NYAP1: variants seen among roughly 807,000 people sequenced by gnomAD.
The protein encoded by NYAP1 is neuronal tyrosine-phosphorylated phosphoinositide-3-kinase adapter 1.
In NYAP1, 20 loss-of-function variants were observed where a neutral mutation model predicts 58.6. The observed-to-expected ratio is 0.34, with a 90% CI of 0.24 to 0.50. The LOEUF (loss-of-function observed/expected upper bound fraction) is 0.50. Ranked by LOEUF, NYAP1 falls within the 20% of genes least tolerant of loss-of-function variation. NYAP1 has a pLI of 0.98. For missense variants in NYAP1, 1,150 were observed against 1,194.5 expected (o/e 0.96, Z 0.55); for synonymous variants, 572 against 523.1 (o/e 1.09, Z -1.27).
In NYAP1 at chr7:100,487,278, A is replaced by AT; in HGVS notation, c.430+96_430+97insT. 7.8e-7 allele frequency: 1 copy of AT among 1,286,288 alleles called. No homozygotes were observed. Among genetic ancestry groups the AT allele is most frequent in the Non-Finnish European group, 1.0e-6 (1 of 972,004 alleles). 79.7% of individuals were successfully genotyped at this position (1,286,288 alleles called of 1,614,324 possible). On this transcript the variant is annotated intron_variant, in intron 3 of 6. Coordinates refer to ENST00000300179, the MANE Select transcript of NYAP1 (RefSeq NM_173564.4). This position sits in a 1 kb window ranked among gnomAD's most constrained non-coding sequence, Gnocchi z 4.1. ...CTTGCCGGGAGGGTTCATTCAGGGA[A>AT]GAACCAAGGAAGTGGAAGATTCCAT...
intron 4 of NYAP1, among the ~76,000 whole-genome samples, chr7:100,489,956 T>C (rs1021664140): frequency 5.3e-5 from 8 of 151,894 alleles, no homozygotes; most frequent in African/African-American, 1.9e-4. Context: ...GGTGTGTGCT[T>C]GTGAGTGTGC....
intron 4 of NYAP1, 112 bp downstream of exon 4, chr7:100,489,778 A>T: frequency 1.6e-5 from 11 of 708,756 alleles, no homozygotes; most frequent in African/African-American, 2.0e-5. Flanking sequence ...CACAGCCTTG[A>T]GTCTGGGATG....
chr7:100,487,090 G>A lies in NYAP1; in HGVS notation c.338G>A (p.Arg113Lys). The A allele has an allele frequency of 6.3e-7, 1 of 1,593,980 alleles. No individual in the cohort carries two copies. The highest frequency in any genetic ancestry group is 8.5e-7 in the Non-Finnish European group (1 of 1,170,058). The stretch of plus-strand genomic sequence containing the variant: ...CTCACAGAGGACAGCAGCACCCGAA[G>A]ACCCCCTGCCAAGCCCCGGAGACAC... ...GGLTEDSSTR[R>K]PPAKPRRHPS... The change falls in exon 3 of 7, where the codon AGA (arginine) becomes AAA (lysine). Residue 113 changes from arginine (R) to lysine (K), a missense_variant. Transcript: ENST00000300179. The surrounding 1 kb of genome is among the most constrained non-coding windows in gnomAD (Gnocchi z 4.1).
Position 100,489,273 on chromosome 7 carries a change from A to T in NYAP1, c.1552A>T (p.Met518Leu), listed in dbSNP as rs1248570606. 6.2e-7 allele frequency: 1 copy of T among 1,600,910 alleles called. No individual in the cohort carries two copies. The highest frequency in any genetic ancestry group is 8.5e-7 in the Non-Finnish European group (1 of 1,174,578). Reference protein sequence around the residue: ...PGKTSPHGGAMGAAAGVLHHR... With the variant: ...PGKTSPHGGALGAAAGVLHHR... ...GAAGACCAGCCCCCACGGTGGGGCCATGGGCGCAGCAGCTGGGGTCCTCCA... is the reference window on the plus strand; with the variant it reads ...GAAGACCAGCCCCCACGGTGGGGCCTTGGGCGCAGCAGCTGGGGTCCTCCA... Residue 518 changes from methionine to leucine, a missense_variant, in exon 4 of 7, where the codon ATG becomes TTG. Coordinates refer to ENST00000300179, the MANE Select transcript of NYAP1 (RefSeq NM_173564.4).
rs1488137978 is a variant in NYAP1, at chr7:100,488,598, C to T, written c.877C>T (p.His293Tyr). Residue 293 changes from histidine (H) to tyrosine (Y), a missense_variant, in exon 4 of 7, where the codon CAC (histidine) becomes TAC (tyrosine). Transcript: ENST00000300179. This position sits in a 1 kb window ranked among gnomAD's most constrained non-coding sequence, Gnocchi z 5.9. ...LTATSPPQQP[H>Y]ALPPHAHRRP... is the part of the protein sequence containing the mutation. ...GGCAACATCCCCGCCACAACAGCCT[C>T]ACGCCCTTCCGCCCCATGCCCACCG... 3 of 1,611,396 alleles carry T rather than the reference C, an allele frequency of 1.9e-6. No homozygotes were observed. The highest frequency in any genetic ancestry group is 2.5e-6 in the Non-Finnish European group (3 of 1,179,244).
At chr7:100,484,498 G>A (rs1293610744) in intron 1 of NYAP1, among the ~76,000 whole-genome samples, 2 of 152,144 alleles carry the variant, frequency 1.3e-5, no homozygotes, top group Non-Finnish European at 2.9e-5. Flanking sequence ...GGTGGACCAA[G>A]GCCCAGGCCC....
chr7:100,494,193 C>A lies in NYAP1; in HGVS notation c.*290C>A. Reference sequence around the variant, plus strand: ...GGCGTTGTACACCCCTCCTCCTGAACCAAGCCAGAGGTCAGCATGGGGAAG... The same window carrying A: ...GGCGTTGTACACCCCTCCTCCTGAAACAAGCCAGAGGTCAGCATGGGGAAG... On this transcript the variant is annotated 3_prime_UTR_variant, in exon 7 of 7. Coordinates refer to ENST00000300179, the MANE Select transcript of NYAP1 (RefSeq NM_173564.4). The A allele has an allele frequency of 2.7e-6, 1 of 371,860 alleles. No homozygotes were observed. Among genetic ancestry groups the A allele is most frequent in the Non-Finnish European group, 4.8e-6 (1 of 208,094 alleles). The allele number at this position is 371,860 out of a possible 1,614,324, so 23.0% of individuals were successfully genotyped here. A position where few individuals can be genotyped will look rare whatever the true frequency, so the allele number is the denominator to read the frequency against.
At position 100,490,576 on chromosome 7, in the gene NYAP1, C is replaced by G. The variant is rs773577308; in HGVS notation, c.2005C>G (p.Arg669Gly). The stretch of plus-strand genomic sequence containing the variant: ...TGCCGAGGGTCCAGGCAAGGTGGAG[C>G]GTGAGGACAGGGGCCCTGGGACATC... Reference protein sequence around the residue: ...GSAEGPGKVEREDRGPGTSGI... With the variant: ...GSAEGPGKVEGEDRGPGTSGI... The change falls in exon 5 of 7, where the codon CGT (arginine) becomes GGT (glycine). Residue 669 changes from arginine (R) to glycine (G), a missense_variant. Arg to Gly is a moderately radical substitution (Grantham distance 125). Transcript: ENST00000300179. This position sits in a 1 kb window ranked among gnomAD's most constrained non-coding sequence, Gnocchi z 4.6. The G allele has an allele frequency of 6.3e-7, 1 of 1,585,270 alleles. No homozygotes were observed. The highest frequency in any genetic ancestry group is 1.8e-5 in the Admixed American group (1 of 55,136).
Position 100,490,081 on chromosome 7 carries a change from G to C in NYAP1, c.1945+415G>C, listed in dbSNP as rs1208432066. On this transcript the variant is annotated intron_variant, in intron 4 of 6. Transcript: ENST00000300179. The surrounding 1 kb of genome is among the most constrained non-coding windows in gnomAD (Gnocchi z 4.6). ...GCCTGGCAACGCAATGCTCTGCCAG[G>C]CCTCCTCTCAGAGATGAGCTTAGTT... 6.6e-6 allele frequency among the ~76,000 whole-genome samples: 1 copy of C among 152,036 alleles called. No individual in the cohort carries two copies. The highest frequency in any genetic ancestry group is 1.5e-5 in the Non-Finnish European group (1 of 67,970).
Position 100,493,446 on chromosome 7 carries a change from G to A in NYAP1, c.2269-200G>A, listed in dbSNP as rs116359553. Among the ~76,000 whole-genome samples, 1,451 of 152,338 alleles carry A rather than the reference G, an allele frequency of 9.5e-3. 23 individuals are homozygous for A. The highest frequency in any genetic ancestry group is 0.033 in the African/African-American group (1,358 of 41,560). ...TGCACCTGTCTAGGAAGACTAGGGA[G>A]TGGCTGGGCCAAAGCTGCGCAAGTT... is the stretch of plus-strand genomic sequence containing the variant. On this transcript the variant is annotated intron_variant, in intron 6 of 6. Coordinates refer to ENST00000300179, the MANE Select transcript of NYAP1 (RefSeq NM_173564.4).
At chr7:100,492,948 G>A (rs767420634) in intron 6 of NYAP1, among the ~76,000 whole-genome samples, 1 of 151,562 alleles carries the variant, frequency 6.6e-6, no homozygotes, top group Non-Finnish European at 1.5e-5. Context: ...AAGAGAGAAG[G>A]AGAGAAAGAG....
chr7:100,488,471 C>G lies in NYAP1; in HGVS notation c.750C>G (p.Ala250=), dbSNP rs147915491. 6 of 1,611,236 alleles carry G rather than the reference C, an allele frequency of 3.7e-6. No homozygotes were observed. The African/African-American group carries it at 5.3e-5, about 14-fold the overall frequency. Residue 250 remains alanine (A), a synonymous_variant, in exon 4 of 7, where the codon GCC becomes GCG. Coordinates refer to ENST00000300179, the MANE Select transcript of NYAP1 (RefSeq NM_173564.4). The surrounding 1 kb of genome is among the most constrained non-coding windows in gnomAD (Gnocchi z 5.9). ...GGGGPTPPAG[A]DSDSEESEAI... ...GGGGCCCGACCCCTCCAGCGGGCGCCGACTCGGACTCTGAAGAGAGTGAGG... is the reference window on the plus strand; with the variant it reads ...GGGGCCCGACCCCTCCAGCGGGCGCGGACTCGGACTCTGAAGAGAGTGAGG...
In NYAP1 at chr7:100,488,067, A is replaced by G; in HGVS notation, c.431-85A>G. On this transcript the variant is annotated intron_variant, in intron 3 of 6. Coordinates refer to ENST00000300179, the MANE Select transcript of NYAP1 (RefSeq NM_173564.4). The surrounding 1 kb of genome is among the most constrained non-coding windows in gnomAD (Gnocchi z 5.9). ...GAAGAGGCAGATATGTCCTTGCAGA[A>G]GGGTCAAGGGATCAGAATGGGCTCC... 2 of 948,722 alleles carry G rather than the reference A, an allele frequency of 2.1e-6. No individual in the cohort carries two copies. Among genetic ancestry groups the G allele is most frequent in the Non-Finnish European group, 3.2e-6 (2 of 634,570 alleles). 58.8% of individuals were successfully genotyped at this position (948,722 alleles called of 1,614,324 possible).
In NYAP1 at chr7:100,493,689, C is replaced by A. The variant is rs568574431; in HGVS notation, c.2312C>A (p.Pro771Gln). 6.3e-7 allele frequency: 1 copy of A among 1,591,948 alleles called. No individual in the cohort carries two copies. Among genetic ancestry groups the A allele is most frequent in the Non-Finnish European group, 8.5e-7 (1 of 1,173,494 alleles). ...CTGCCTCTGCCCCTGCCGCCCCAGC[C>A]GGCCCGCGAGCGTGACGGGAAGCTG... ...LPLPLPLPPQ[P>Q]ARERDGKLLE... is the part of the protein sequence containing the mutation. The change falls in exon 7 of 7, where the codon CCG (proline) becomes CAG (glutamine). Residue 771 changes from proline to glutamine, a missense_variant. Pro to Gln is a moderately conservative substitution (Grantham distance 76, BLOSUM62 -1). Coordinates refer to ENST00000300179, the MANE Select transcript of NYAP1 (RefSeq NM_173564.4).
chr7:100,493,674 C>A lies in NYAP1; in HGVS notation c.2297C>A (p.Pro766His). The A allele has an allele frequency of 6.3e-7, 1 of 1,587,362 alleles. No individual in the cohort carries two copies. The highest frequency in any genetic ancestry group is 8.5e-7 in the Non-Finnish European group (1 of 1,171,864). ...CACCCCGCGCTGCCGCTGCCTCTGC[C>A]CCTGCCGCCCCAGCCGGCCCGCGAG... ...QPHPALPLPL[P>H]LPPQPARERD... Residue 766 changes from proline to histidine, a missense_variant, in exon 7 of 7, where the codon CCC (proline) becomes CAC (histidine). Coordinates refer to ENST00000300179, the MANE Select transcript of NYAP1 (RefSeq NM_173564.4).
At position 100,492,157 on chromosome 7, in the gene NYAP1, T is replaced by C. The variant is rs1648033532; in HGVS notation, c.2268+1062T>C. On this transcript the variant is annotated intron_variant, in intron 6 of 6. Coordinates refer to ENST00000300179, the MANE Select transcript of NYAP1 (RefSeq NM_173564.4). ...GGGAGGCTGAGGCAGGAGAATTGCT[T>C]GAACCCGGGAGACGGAGGCTGCAGT... 2.0e-5 allele frequency among the ~76,000 whole-genome samples: 3 copies of C among 151,700 alleles called. No individual in the cohort carries two copies. The South Asian group carries it at 6.3e-4, about 32-fold the overall frequency.
In NYAP1 at chr7:100,488,834, A is replaced by G. The variant is rs1799744558; in HGVS notation, c.1113A>G (p.Pro371=). The G allele has an allele frequency of 6.3e-7, 1 of 1,580,702 alleles. No individual in the cohort carries two copies. The highest frequency in any genetic ancestry group is 8.6e-7 in the Non-Finnish European group (1 of 1,165,838). The change falls in exon 4 of 7, where the codon CCA becomes CCG. Residue 371 remains proline, a synonymous_variant. Coordinates refer to ENST00000300179, the MANE Select transcript of NYAP1 (RefSeq NM_173564.4). This position sits in a 1 kb window ranked among gnomAD's most constrained non-coding sequence, Gnocchi z 5.9. ...CCAAGGAGCCAGCCGGCTCCACCCC[A>G]GCTCCCCAAGTGCCTGCACGGGAGC... is the stretch of plus-strand genomic sequence containing the variant. ...CHSKEPAGST[P]APQVPARERE... is the part of the protein sequence containing the mutation.
Position 100,485,531 on chromosome 7 carries a change from T to C in NYAP1, c.68+152T>C. 1 of 635,724 alleles carries C rather than the reference T, an allele frequency of 1.6e-6. No individual in the cohort carries two copies. Among genetic ancestry groups the C allele is most frequent in the Non-Finnish European group, 2.8e-6 (1 of 356,674 alleles). The allele number at this position is 635,724 out of a possible 1,614,324, so 39.4% of individuals were successfully genotyped here. On this transcript the variant is annotated intron_variant, in intron 2 of 6. Coordinates refer to ENST00000300179, the MANE Select transcript of NYAP1 (RefSeq NM_173564.4). This position sits in a 1 kb window ranked among gnomAD's most constrained non-coding sequence, Gnocchi z 5.7. ...GGAATGGCCAGGATTGCACACACTG[T>C]CCTGGCCCAACTCCTGCTCTCCTGT...
chr7:100,486,457 G>A lies in NYAP1; in HGVS notation c.69-364G>A, dbSNP rs2131065069. 6.6e-6 allele frequency among the ~76,000 whole-genome samples: 1 copy of A among 152,194 alleles called. No homozygotes were observed. The highest frequency in any genetic ancestry group is 1.9e-4 in the East Asian group (1 of 5,170). On this transcript the variant is annotated intron_variant, in intron 2 of 6. Transcript: ENST00000300179. The surrounding 1 kb of genome is among the most constrained non-coding windows in gnomAD (Gnocchi z 6.2). ...TGTGGGCCACTGTGAGAGTGAGAGG[G>A]GCCAAGGAGCTGTGGGGGGCAGGCG...
Sources: gnomAD v4.1 joint callset for allele counts (sites outside exome capture counted in the v4.1 genomes callset) on GRCh38, gnomAD v4.1.1 for gene constraint, Gnocchi (gnomAD v3.1) non-coding constraint, MANE v1.5 for transcripts, NCBI Gene and HGNC (gene_info 2026-07-23, HGNC 2026-07-21) for gene names.